C8orf34: variants seen among roughly 807,000 people sequenced by gnomAD.
C8orf34 encodes the protein chromosome 8 open reading frame 34.
C8orf34 carries 65 observed loss-of-function variants against 68.3 expected under a neutral mutation model. The ratio of observed to expected loss-of-function variants is 0.95; its 90% CI spans 0.78 to 1.17. The LOEUF (loss-of-function observed/expected upper bound fraction) is 1.17, where lower values mean the gene tolerates loss of function less well. C8orf34 is among the 50% of genes most tolerant of loss of function. The pLI is 0.00. For synonymous variants in C8orf34, 244 were observed against 241.2 expected, an observed-to-expected ratio of 1.01 and a Z score of -0.11; for missense variants, 664 against 655.4, an observed-to-expected ratio of 1.01 and a Z score of -0.14.
chr8:68,722,609 T>C (rs927610377), intron 10 of C8orf34, among the ~76,000 whole-genome samples: 7 of 152,104 alleles, frequency 4.6e-5, no homozygotes, highest in Admixed American at 2.0e-4. Flanking sequence ...TTCCCTTCTT[T>C]ATTTTTTATA....
At chr8:68,776,164 AT>A in intron 10 of C8orf34, among the ~76,000 whole-genome samples, 1 of 152,358 alleles carries the variant, frequency 6.6e-6, no homozygotes, top group Admixed American at 6.5e-5. Flanking sequence ...TTAAAATAAA[AT>A]AAAATATATT....
Position 68,703,656 on chromosome 8 carries a change from TA to T in C8orf34, c.1242-5335del, listed in dbSNP as rs199620502. Among the ~76,000 whole-genome samples the T allele has an allele frequency of 4.8e-3, 726 of 152,230 alleles. 3 individuals carry two copies. Among genetic ancestry groups the T allele is most frequent in the African/African-American group, 0.017 (697 of 41,560 alleles). The stretch of plus-strand genomic sequence containing the variant: ...CCACCCTTGACCAGAAGCCTATGAA[TA>T]AATGCTTTGTCCTTTCATCCTTCAG... On this transcript the variant is annotated intron_variant, in intron 8 of 13. Transcript: ENST00000518698.
intron 7 of C8orf34, among the ~76,000 whole-genome samples, chr8:68,622,536 G>A (rs528884677): frequency 2.2e-4 from 33 of 152,326 alleles, no homozygotes; most frequent in Non-Finnish European, 3.7e-4. Flanking sequence ...AGTGTGGTAG[G>A]TCGATGGTAT....
intron 9 of C8orf34, among the ~76,000 whole-genome samples, chr8:68,710,250 G>A (rs1309574193): frequency 6.6e-6 from 1 of 152,156 alleles, no homozygotes; most frequent in Non-Finnish European, 1.5e-5. Flanking sequence ...ACTATTTGAA[G>A]GAAATGGATC....
At chr8:68,602,075 G>A (rs1586433577) in intron 7 of C8orf34, among the ~76,000 whole-genome samples, 1 of 152,150 alleles carries the variant, frequency 6.6e-6, no homozygotes, top group African/African-American at 2.4e-5. Context: ...TGACACCAGG[G>A]AGGGGAGAAG....
intron 9 of C8orf34, among the ~76,000 whole-genome samples, chr8:68,719,245 A>G (rs1287833340): frequency 6.6e-6 from 1 of 152,032 alleles, no homozygotes; most frequent in Non-Finnish European, 1.5e-5. Context: ...TTGACTTCAT[A>G]ACTTTTAAAA....
At chr8:68,535,516 A>C (rs1184481641) in intron 7 of C8orf34, 2 of 941,666 alleles carry the variant, frequency 2.1e-6, no homozygotes, top group African/African-American at 3.6e-5. Flanking sequence ...ATTTGAAGGG[A>C]AAAAATCCTT....
At chr8:68,765,928 C>T (rs781154578) in intron 10 of C8orf34, among the ~76,000 whole-genome samples, 5 of 152,016 alleles carry the variant, frequency 3.3e-5, no homozygotes, top group East Asian at 1.9e-4. Context: ...ATTTTTCTCA[C>T]GAAGTTTACA....
chr8:68,347,335 G>T (rs10095949), intron 1 of C8orf34, among the ~76,000 whole-genome samples: 1 of 151,992 alleles, frequency 6.6e-6, no homozygotes, highest in Non-Finnish European at 1.5e-5. Flanking sequence ...TGGTGTATAC[G>T]TACTACATTT....
intron 7 of C8orf34, among the ~76,000 whole-genome samples, chr8:68,579,318 C>A (rs1816995055): frequency 1.3e-5 from 2 of 152,100 alleles, no homozygotes. Context: ...AAAGCACTTT[C>A]ATTCTTTAAA....
chr8:68,650,477 CT>C (rs57112362), intron 8 of C8orf34, among the ~76,000 whole-genome samples: 9,905 of 120,752 alleles, frequency 0.082, 365 homozygotes, highest in African/African-American at 0.18. Context: ...CCACCCTAGT[CT>C]TTTTTTTTTT....
At chr8:68,493,399 A>G (rs1813397099) in intron 5 of C8orf34, among the ~76,000 whole-genome samples, 1 of 152,158 alleles carries the variant, frequency 6.6e-6, no homozygotes, top group Non-Finnish European at 1.5e-5. Context: ...TAATCACCAG[A>G]GGGAAAAAAA....
intron 8 of C8orf34, among the ~76,000 whole-genome samples, chr8:68,650,151 T>C (rs1180774415): frequency 1.3e-5 from 2 of 152,142 alleles, no homozygotes; most frequent in Non-Finnish European, 2.9e-5. Context: ...GGGTTTTAAC[T>C]AAATAAATAG....
chr8:68,660,954 A>G (rs1263462137), intron 8 of C8orf34, among the ~76,000 whole-genome samples: 3 of 152,120 alleles, frequency 2.0e-5, no homozygotes, highest in Non-Finnish European at 2.9e-5. Flanking sequence ...CCTGGGGGAG[A>G]AAATATATAG....
chr8:68,383,260 G>A (rs1517126), intron 1 of C8orf34, among the ~76,000 whole-genome samples: 1 of 151,948 alleles, frequency 6.6e-6, no homozygotes, highest in East Asian at 1.9e-4. Context: ...TCAACTGTAC[G>A]ATGTAGAGCA....
chr8:68,519,950 A>G (rs1814681188), intron 5 of C8orf34, among the ~76,000 whole-genome samples: 1 of 152,226 alleles, frequency 6.6e-6, no homozygotes, highest in South Asian at 2.1e-4. Context: ...ATCTGCTTTA[A>G]AAAGTAAATA....
At chr8:68,417,399 C>G (rs1291223020) in intron 1 of C8orf34, among the ~76,000 whole-genome samples, 2 of 151,890 alleles carry the variant, frequency 1.3e-5, no homozygotes, top group Non-Finnish European at 2.9e-5. Context: ...ATTTTAGTGT[C>G]TATCAGTCAG....
At position 68,468,780 on chromosome 8, in the gene C8orf34, G is replaced by C; in HGVS notation, c.696G>C (p.Glu232Asp). The change falls in exon 4 of 14, where the codon GAG (glutamate) becomes GAC (aspartate). Residue 232 changes from glutamate (E) to aspartate (D), a missense_variant. Glu to Asp is a conservative substitution (Grantham distance 45). Coordinates refer to ENST00000518698, the MANE Select transcript of C8orf34 (RefSeq NM_052958.4). Reference sequence around the variant, plus strand: ...ATGAATTGAATCACATCCTTCAGGAGAGCAAGAAGCTGGGGAAAGCCCTTG... The same window carrying C: ...ATGAATTGAATCACATCCTTCAGGACAGCAAGAAGCTGGGGAAAGCCCTTG... ...DFDELNHILQ[E>D]SKKLGKALEN... The C allele has an allele frequency of 6.2e-7, 1 of 1,612,304 alleles. No homozygotes were observed. The highest frequency in any genetic ancestry group is 8.5e-7 in the Non-Finnish European group (1 of 1,179,014).
At chr8:68,507,506 G>A (rs563173311) in intron 5 of C8orf34, among the ~76,000 whole-genome samples, 14 of 152,328 alleles carry the variant, frequency 9.2e-5, no homozygotes, top group African/African-American at 3.1e-4. Context: ...TTACCCAGGA[G>A]TGTGGGGGTA....
Sources: allele counts gnomAD v4.1 joint callset (sites outside exome capture counted in the v4.1 genomes callset), GRCh38; gene constraint gnomAD v4.1.1; transcripts MANE v1.5; gene names NCBI Gene and HGNC (gene_info 2026-07-23, HGNC 2026-07-21).